The following ANKRD6 variants were observed in gnomAD, a reference collection of about 807,000 sequenced individuals.
The protein encoded by ANKRD6 is ankyrin repeat domain 6, also known as ankyrin repeat domain-containing protein 6.
Under a neutral mutation model 82.3 loss-of-function variants are expected in ANKRD6, and 56 were observed. That is an observed-to-expected ratio of 0.68 (90% confidence interval 0.55 to 0.85). ANKRD6 has a LOEUF of 0.85. ANKRD6 is among the 40% of genes least tolerant of loss of function. The pLI is 0.00. For missense variants in ANKRD6, 852 were observed against 907.6 expected, an observed-to-expected ratio of 0.94 and a Z score of 0.79; for synonymous variants, 347 against 352.1, an observed-to-expected ratio of 0.99 and a Z score of 0.16.
intron 1 of ANKRD6, among the ~76,000 whole-genome samples, chr6:89,522,376 GA>G (rs1234133187): frequency 2.0e-5 from 3 of 152,166 alleles, no homozygotes; most frequent in Non-Finnish European, 2.9e-5. Flanking sequence ...TGAATGGTCA[GA>G]GTAAAAGAGT....
chr6:89,580,260 A>G (rs1431994215), intron 2 of ANKRD6, among the ~76,000 whole-genome samples: 1 of 151,712 alleles, frequency 6.6e-6, no homozygotes, highest in African/African-American at 2.4e-5. Context: ...ATGAGGAAAC[A>G]GAAGCTTCAA....
intron 2 of ANKRD6, among the ~76,000 whole-genome samples, chr6:89,571,849 C>T (rs993956039): frequency 3.3e-5 from 5 of 152,148 alleles, no homozygotes; most frequent in African/African-American, 1.2e-4. Flanking sequence ...TGTATAATGA[C>T]ATACATCCAC....
chr6:89,495,093 G>A (rs914794798), intron 1 of ANKRD6, among the ~76,000 whole-genome samples: 1 of 152,176 alleles, frequency 6.6e-6, no homozygotes, highest in African/African-American at 2.4e-5. Flanking sequence ...AATTAGCCGG[G>A]CGTGGTGGCA....
intron 1 of ANKRD6, among the ~76,000 whole-genome samples, chr6:89,527,871 G>A (rs979688535): frequency 6.6e-6 from 1 of 151,996 alleles, no homozygotes; most frequent in Non-Finnish European, 1.5e-5. Context: ...GTATAATAGC[G>A]CAATCACAGC....
intron 2 of ANKRD6, among the ~76,000 whole-genome samples, chr6:89,592,449 A>G (rs1278679685): frequency 1.3e-5 from 2 of 152,182 alleles, no homozygotes; most frequent in African/African-American, 2.4e-5. Flanking sequence ...ACCAAATGAC[A>G]CAGGTGTTAT....
chr6:89,543,911 A>T (rs1486523496), intron 1 of ANKRD6, among the ~76,000 whole-genome samples: 1 of 152,150 alleles, frequency 6.6e-6, no homozygotes, highest in Non-Finnish European at 1.5e-5. Context: ...CCTCTGGTTA[A>T]TTGTTACCAC....
At position 89,623,942 on chromosome 6, in the gene ANKRD6, A is replaced by G; in HGVS notation, c.1103A>G (p.His368Arg). 4.3e-6 allele frequency: 7 copies of G among 1,613,950 alleles called. No homozygotes were observed. Among genetic ancestry groups the G allele is most frequent in the Non-Finnish European group, 5.9e-6 (7 of 1,179,876 alleles). ...GGACACCAGAAGAACCTGCATGCTCATAATCACCCTAAAAAGAGGAACAGG... is the reference window on the plus strand; with the variant it reads ...GGACACCAGAAGAACCTGCATGCTCGTAATCACCCTAAAAAGAGGAACAGG... Reference protein sequence around the residue: ...QPGHQKNLHAHNHPKKRNRHR... With the variant: ...QPGHQKNLHARNHPKKRNRHR... Residue 368 changes from histidine to arginine, a missense_variant, in exon 12 of 16, where the codon CAT (histidine) becomes CGT (arginine). Physicochemically the swap from His to Arg is conservative, Grantham distance 29. Transcript: ENST00000339746.
chr6:89,512,789 A>C (rs1780711807), intron 1 of ANKRD6, among the ~76,000 whole-genome samples: 1 of 152,242 alleles, frequency 6.6e-6, no homozygotes, highest in African/African-American at 2.4e-5. Context: ...TTTCATAGCT[A>C]ATCTAGAAGA....
At chr6:89,582,406 G>T (rs2128120210) in intron 2 of ANKRD6, among the ~76,000 whole-genome samples, 1 of 152,152 alleles carries the variant, frequency 6.6e-6, no homozygotes, top group African/African-American at 2.4e-5. Flanking sequence ...GCCCATGCTG[G>T]TCTTGAACTC....
At chr6:89,446,054 T>G (rs936156011) in intron 1 of ANKRD6, among the ~76,000 whole-genome samples, 5 of 152,180 alleles carry the variant, frequency 3.3e-5, no homozygotes, top group Admixed American at 6.5e-5. Flanking sequence ...CACAGCAATA[T>G]TAAAATTAGG....
chr6:89,481,968 T>A (rs529483437), intron 1 of ANKRD6, among the ~76,000 whole-genome samples: 15 of 152,258 alleles, frequency 9.9e-5, no homozygotes, highest in Admixed American at 4.6e-4. Flanking sequence ...GATTCTCTCA[T>A]AACATAGACA....
At chr6:89,535,317 A>T (rs1783686312) in intron 1 of ANKRD6, among the ~76,000 whole-genome samples, 1 of 151,884 alleles carries the variant, frequency 6.6e-6, no homozygotes, top group South Asian at 2.1e-4. Flanking sequence ...AAAATTTCCA[A>T]GAATTAGCCA....
chr6:89,598,075 T>A, intron 3 of ANKRD6: 2 of 980,006 alleles, frequency 2.0e-6, no homozygotes, highest in African/African-American at 3.5e-5. Context: ...AATTTACTCC[T>A]AACTTCATAT....
intron 2 of ANKRD6, among the ~76,000 whole-genome samples, chr6:89,571,920 T>C (rs1454720447): frequency 6.6e-6 from 1 of 152,244 alleles, no homozygotes; most frequent in Non-Finnish European, 1.5e-5. Flanking sequence ...TTCACCTATT[T>C]ATCCCCTTCC....
intron 1 of ANKRD6, among the ~76,000 whole-genome samples, chr6:89,489,023 G>A (rs1303733553): frequency 6.6e-6 from 1 of 152,062 alleles, no homozygotes; most frequent in African/African-American, 2.4e-5. Flanking sequence ...TCCAGAGGTG[G>A]TTTCTTAGGA....
intron 1 of ANKRD6, among the ~76,000 whole-genome samples, chr6:89,529,273 C>T (rs1782864424): frequency 6.6e-6 from 1 of 152,266 alleles, no homozygotes; most frequent in Admixed American, 6.5e-5. Context: ...CTTACTGTAA[C>T]TTCTACATCA....
intron 1 of ANKRD6, among the ~76,000 whole-genome samples, chr6:89,547,893 A>G (rs563515061): frequency 6.6e-6 from 1 of 152,220 alleles, no homozygotes; most frequent in East Asian, 1.9e-4. Flanking sequence ...AACCATATCA[A>G]TATTTTTTTA....
At chr6:89,493,794 A>G (rs1778290718) in intron 1 of ANKRD6, among the ~76,000 whole-genome samples, 1 of 152,132 alleles carries the variant, frequency 6.6e-6, no homozygotes, top group Non-Finnish European at 1.5e-5. Context: ...TCCTCACAGA[A>G]TCCTTAATTT....
chr6:89,559,384 C>T (rs1287216311), intron 1 of ANKRD6, among the ~76,000 whole-genome samples: 1 of 152,116 alleles, frequency 6.6e-6, no homozygotes, highest in Non-Finnish European at 1.5e-5. Context: ...CTTTCCTGAC[C>T]TCCTTTCACC....
Sources: gnomAD v4.1 joint callset for allele counts (sites outside exome capture counted in the v4.1 genomes callset) on GRCh38, gnomAD v4.1.1 for gene constraint, MANE v1.5 for transcripts, NCBI Gene and HGNC (gene_info 2026-07-23, HGNC 2026-07-21) for gene names.